Variants in PPP2R3A observed in about 807,000 individuals in gnomAD.
The protein encoded by PPP2R3A is serine/threonine-protein phosphatase 2A regulatory subunit B'' subunit alpha.
A neutral mutation model predicts 106.9 loss-of-function variants in PPP2R3A; 80 were observed. That is an observed-to-expected ratio of 0.75 (90% CI 0.62 to 0.90). The LOEUF is 0.90. Ranked by LOEUF, PPP2R3A falls within the 40% of genes least tolerant of loss-of-function variation. The pLI is 0.00. For missense variants in PPP2R3A, 1,386 were observed against 1,350.4 expected (o/e 1.03, Z -0.41); for synonymous variants, 483 against 468.3 (o/e 1.03, Z -0.41).
At chr3:135,979,327 C>T (rs770513556) in intron 1 of PPP2R3A, among the ~76,000 whole-genome samples, 3 of 150,782 alleles carry the variant, frequency 2.0e-5, no homozygotes, top group East Asian at 1.9e-4. Flanking sequence ...TGCGGTGAGC[C>T]GAGATTGCGC....
intron 2 of PPP2R3A, among the ~76,000 whole-genome samples, chr3:136,022,095 T>A (rs1187421759): frequency 6.6e-6 from 1 of 152,120 alleles, no homozygotes; most frequent in Non-Finnish European, 1.5e-5. Flanking sequence ...TATGATGAAA[T>A]AATAGGTATT....
rs1939150176 is a variant in PPP2R3A at position 136,146,887 on chromosome 3, T to C, written c.*1721T>C. On this transcript the variant is annotated 3_prime_UTR_variant, in exon 14 of 14. Coordinates refer to ENST00000264977, the MANE Select transcript of PPP2R3A (RefSeq NM_002718.5). Reference sequence around the variant, plus strand: ...AAATACAAAAAAAAAAAAAATACTTTTCTTAGAAGCCAGATATGGTTTAAA... The same window carrying C: ...AAATACAAAAAAAAAAAAAATACTTCTCTTAGAAGCCAGATATGGTTTAAA... 1 of 152,168 alleles carries C rather than the reference T, an allele frequency of 6.6e-6. No homozygotes were observed. The highest frequency in any genetic ancestry group is 2.1e-4 in the South Asian group (1 of 4,836). 9.4% of individuals were successfully genotyped at this position (152,168 alleles called of 1,614,324 possible). A position where few individuals can be genotyped will look rare whatever the true frequency, so the allele number is the denominator to read the frequency against.
At chr3:135,978,743 G>T (rs1033258548) in intron 1 of PPP2R3A, among the ~76,000 whole-genome samples, 4 of 151,822 alleles carry the variant, frequency 2.6e-5, no homozygotes, top group Non-Finnish European at 5.9e-5. Context: ...GCTCGAAAAT[G>T]TAAGTATCAG....
intron 5 of PPP2R3A, among the ~76,000 whole-genome samples, chr3:136,068,520 C>CA (rs970924986): frequency 1.3e-5 from 2 of 151,718 alleles, no homozygotes; most frequent in African/African-American, 4.8e-5. Flanking sequence ...GACTCCGTCT[C>CA]AAAAAAATAA....
intron 4 of PPP2R3A, among the ~76,000 whole-genome samples, chr3:136,048,874 A>G (rs537512222): frequency 6.6e-6 from 1 of 152,274 alleles, no homozygotes; most frequent in Admixed American, 6.5e-5. Flanking sequence ...GGTAAAAGGA[A>G]GGGAGAAGTT....
chr3:136,050,587 C>T (rs1935651672), intron 5 of PPP2R3A, among the ~76,000 whole-genome samples: 1 of 152,156 alleles, frequency 6.6e-6, no homozygotes, highest in African/African-American at 2.4e-5. Flanking sequence ...GGTGAAGATA[C>T]CCATGGCCCG....
At chr3:136,007,094 C>T (rs1933872172) in intron 2 of PPP2R3A, among the ~76,000 whole-genome samples, 1 of 152,134 alleles carries the variant, frequency 6.6e-6, no homozygotes, top group Non-Finnish European at 1.5e-5. Context: ...TCTCTTTTTC[C>T]ATTCAGCCTC....
intron 13 of PPP2R3A, among the ~76,000 whole-genome samples, chr3:136,138,446 A>G (rs1156328243): frequency 6.6e-6 from 1 of 152,188 alleles, no homozygotes; most frequent in Non-Finnish European, 1.5e-5. Flanking sequence ...CTGAAGTGAA[A>G]TCTACTTCCT....
chr3:136,093,596 T>G (rs1298066016), intron 10 of PPP2R3A, among the ~76,000 whole-genome samples: 1 of 152,152 alleles, frequency 6.6e-6, no homozygotes, highest in East Asian at 1.9e-4. Context: ...ACAAAGGATC[T>G]GATTAGATGT....
At chr3:136,109,149 G>A (rs1434546866) in intron 13 of PPP2R3A, among the ~76,000 whole-genome samples, 1 of 152,144 alleles carries the variant, frequency 6.6e-6, no homozygotes, top group Non-Finnish European at 1.5e-5. Flanking sequence ...ATGTAAAAAT[G>A]AGGAAGTAAA....
At chr3:136,103,553 C>T (rs973928150) in intron 12 of PPP2R3A, among the ~76,000 whole-genome samples, 177 bp downstream of exon 12, 2 of 152,098 alleles carry the variant, frequency 1.3e-5, no homozygotes, top group South Asian at 2.1e-4. Flanking sequence ...TCTCCACAGC[C>T]GATCGTCAGG....
chr3:136,056,001 T>A (rs959019109), intron 5 of PPP2R3A, among the ~76,000 whole-genome samples: 1 of 152,122 alleles, frequency 6.6e-6, no homozygotes, highest in Non-Finnish European at 1.5e-5. Flanking sequence ...ACATCAGCAG[T>A]CATCAATCAC....
chr3:136,063,480 C>T (rs897774351), intron 5 of PPP2R3A, among the ~76,000 whole-genome samples: 3 of 152,184 alleles, frequency 2.0e-5, no homozygotes, highest in Non-Finnish European at 4.4e-5. Flanking sequence ...TCAGAGTGAA[C>T]AGGCAACCTA....
chr3:136,092,284 C>A (rs916624755), intron 10 of PPP2R3A, among the ~76,000 whole-genome samples: 10 of 152,046 alleles, frequency 6.6e-5, no homozygotes, highest in Admixed American at 1.3e-4. Context: ...GAGCTGAGAT[C>A]GCACCATTGC....
chr3:136,106,156 A>G (rs1937512079), intron 12 of PPP2R3A, 60 bp from the exon 13 acceptor site: 12 of 1,371,608 alleles, frequency 8.7e-6, no homozygotes, highest in African/African-American at 1.5e-5. Flanking sequence ...GTGATGATCT[A>G]TCTCCAATTC....
intron 3 of PPP2R3A, among the ~76,000 whole-genome samples, chr3:136,034,348 G>A (rs554147723): frequency 9.2e-5 from 14 of 152,244 alleles, no homozygotes; most frequent in Admixed American, 7.2e-4. Flanking sequence ...ACTTTTTGAT[G>A]TAGGCGTTTA....
At chr3:136,067,488 A>G (rs1015114470) in intron 5 of PPP2R3A, among the ~76,000 whole-genome samples, 69 of 152,196 alleles carry the variant, frequency 4.5e-4, no homozygotes, top group African/African-American at 1.6e-3. Context: ...AGGCTGAGTT[A>G]AGTGGACTCC....
At chr3:136,006,965 A>C (rs1373095877) in intron 2 of PPP2R3A, among the ~76,000 whole-genome samples, 1 of 152,212 alleles carries the variant, frequency 6.6e-6, no homozygotes, top group East Asian at 1.9e-4. Flanking sequence ...CCAATAAGGG[A>C]TAGAGAGTAA....
At chr3:136,041,238 GTTTTTTT>G (rs67116006) in intron 4 of PPP2R3A, among the ~76,000 whole-genome samples, 1 of 92,936 alleles carries the variant, frequency 1.1e-5, no homozygotes, top group Non-Finnish European at 2.1e-5. Context: ...GGTTTTTCTT[GTTTTTTT>G]TTTTGTTTTT....
Sources: allele counts gnomAD v4.1 joint callset (sites outside exome capture counted in the v4.1 genomes callset), GRCh38; gene constraint gnomAD v4.1.1; transcripts MANE v1.5; gene names NCBI Gene and HGNC (gene_info 2026-07-23, HGNC 2026-07-21).